MOCS1: variants seen among roughly 807,000 people sequenced by gnomAD.
The protein encoded by MOCS1 is molybdenum cofactor synthesis 1, also known as molybdenum cofactor biosynthesis protein 1.
In MOCS1, 39 loss-of-function variants were observed where a neutral mutation model predicts 57.6. The observed-to-expected ratio is 0.68, with a 90% CI of 0.52 to 0.88. The LOEUF (loss-of-function observed/expected upper bound fraction) is 0.88, where lower values mean the gene tolerates loss of function less well. MOCS1 is among the 40% of genes least tolerant of loss of function. The pLI, the probability that MOCS1 is intolerant of heterozygous loss-of-function variation, is 0.00. For missense variants in MOCS1, 795 were observed against 831.1 expected, an observed-to-expected ratio of 0.96 and a Z score of 0.53; for synonymous variants, 334 against 335.7, an observed-to-expected ratio of 1.00 and a Z score of 0.05.
At chr6:39,931,154 C>T (rs867348773) in intron 1 of MOCS1, among the ~76,000 whole-genome samples, 4 of 152,138 alleles carry the variant, frequency 2.6e-5, no homozygotes, top group Middle Eastern at 6.8e-3. Context: ...AGGCACTAAG[C>T]AGCCTGCCAG....
chr6:39,913,817 T>C lies in MOCS1; in HGVS notation c.602A>G (p.Glu201Gly), dbSNP rs186335243. ...CAGCTCGATGGCCTTGTGGATGCCC[T>C]CCATGACCTTGTGGAAGCCTGGGAG... Reference protein sequence around the residue: ...VRRKGFHKVMEGIHKAIELGY... With the variant: ...VRRKGFHKVMGGIHKAIELGY... Residue 201 changes from glutamate to glycine, a missense_variant, in exon 5 of 11, where the codon GAG becomes GGG. By Grantham distance (98) the Glu-to-Gly change is moderately conservative (BLOSUM62 -2). Coordinates refer to ENST00000340692, the MANE Select transcript of MOCS1 (RefSeq NM_001358530.2). 106 of 1,614,146 alleles carry C rather than the reference T, an allele frequency of 6.6e-5. No individual in the cohort carries two copies. In the African/African-American group the frequency reaches 1.1e-3, roughly 17 times the overall value.
chr6:39,909,043 TG>T lies in MOCS1; in HGVS notation c.1150+11del. 1 of 1,608,834 alleles carries T rather than the reference TG, an allele frequency of 6.2e-7. No individual in the cohort carries two copies. The highest frequency in any genetic ancestry group is 2.2e-5 in the East Asian group (1 of 44,680). ...ACAAGGGTGAGTGGTTACGTACTGA[TG>T]GGTCACCCACCGATGAGGATCATGG... On this transcript the variant is annotated intron_variant, in intron 10 of 10. Coordinates refer to ENST00000340692, the MANE Select transcript of MOCS1 (RefSeq NM_001358530.2).
rs937821323 is a variant in MOCS1, at chr6:39,904,463, C to T, written c.*1894G>A. 4.8e-5 allele frequency: 22 copies of T among 454,492 alleles called. No homozygotes were observed. Among genetic ancestry groups the T allele is most frequent in the African/African-American group, 1.2e-4 (6 of 49,988 alleles). 28.2% of individuals were successfully genotyped at this position (454,492 alleles called of 1,614,324 possible). On this transcript the variant is annotated 3_prime_UTR_variant, in exon 11 of 11. Coordinates refer to ENST00000340692, the MANE Select transcript of MOCS1 (RefSeq NM_001358530.2). ...TTGGTCTTGCTTTCTTCATGCCCTC[C>T]CCACTGCTCCTGCCACCTTTAGATA...
rs1766869440 is a variant in MOCS1, at chr6:39,905,845, C to T, written c.*512G>A. 2.1e-6 allele frequency: 1 copy of T among 470,794 alleles called. No homozygotes were observed. Among genetic ancestry groups the T allele is most frequent in the South Asian group, 1.5e-5 (1 of 64,570 alleles). The allele number at this position is 470,794 out of a possible 1,614,324, so 29.2% of individuals were successfully genotyped here. ...CAGGACAGGACAGGACAGGGCAGGGCTGCGGCTTCACAGACTTAGGGAGGC... is the reference window on the plus strand; with the variant it reads ...CAGGACAGGACAGGACAGGGCAGGGTTGCGGCTTCACAGACTTAGGGAGGC... On this transcript the variant is annotated 3_prime_UTR_variant, in exon 11 of 11. Coordinates refer to ENST00000340692, the MANE Select transcript of MOCS1 (RefSeq NM_001358530.2).
chr6:39,913,490 C>T, intron 5 of MOCS1, 62 bp from the exon 6 acceptor site: 3 of 1,442,172 alleles, frequency 2.1e-6, no homozygotes, highest in Non-Finnish European at 2.9e-6. Context: ...TGGAGATGAC[C>T]CTTGGGGGCC....
Position 39,929,596 on chromosome 6 carries a change from A to G in MOCS1, c.124-2141T>C, listed in dbSNP as rs1768536727. ...GAATTGGAAGTTGAGAGGACCAAGG[A>G]GCATTATTCAGCAGAAACCTGAGAG... On this transcript the variant is annotated intron_variant, in intron 1 of 10. Coordinates refer to ENST00000340692, the MANE Select transcript of MOCS1 (RefSeq NM_001358530.2). Among the ~76,000 whole-genome samples, 3 of 152,058 alleles carry G rather than the reference A, an allele frequency of 2.0e-5. No individual in the cohort carries two copies. The South Asian group carries it at 6.2e-4, about 32-fold the overall frequency.
At chr6:39,927,278 T>A in intron 2 of MOCS1, 51 bp downstream of exon 2, 1 of 1,600,840 alleles carries the variant, frequency 6.2e-7, no homozygotes, top group South Asian at 1.1e-5. Context: ...TTTCAAGGGC[T>A]GCTTCAGCAG....
At chr6:39,932,565 A>G (rs756703681) in intron 1 of MOCS1, 5 of 152,252 alleles carry the variant, frequency 3.3e-5, no homozygotes, top group African/African-American at 4.8e-5. Flanking sequence ...CCCTGCGTTA[A>G]GCGCTTGTGG....
In MOCS1 at chr6:39,920,989, G is replaced by C. The variant is rs539494284; in HGVS notation, c.418+4689C>G. Among the ~76,000 whole-genome samples the C allele has an allele frequency of 4.1e-3, 613 of 149,940 alleles. 4 individuals carry two copies. The highest frequency in any genetic ancestry group is 0.013 in the African/African-American group (506 of 40,260). ...AGATCCGGTCTCCCAAAAAAAAAAG[G>C]GGGGGGGACAGGGCAGCAAGAAAAC... On this transcript the variant is annotated intron_variant, in intron 3 of 10. Transcript: ENST00000340692.
chr6:39,927,279 G>C, intron 2 of MOCS1, 50 bp downstream of exon 2: 1 of 1,601,274 alleles, frequency 6.2e-7, no homozygotes, highest in Non-Finnish European at 8.5e-7. Context: ...TTCAAGGGCT[G>C]CTTCAGCAGA....
chr6:39,909,882 A>AGCAGCTCCTGCTCAGAGGCC lies in MOCS1; in HGVS notation c.1035_1054dup (p.Leu352ArgfsTer8). The AGCAGCTCCTGCTCAGAGGCC allele has an allele frequency of 6.2e-7, 1 of 1,613,944 alleles. No individual in the cohort carries two copies. The highest frequency in any genetic ancestry group is 2.2e-5 in the East Asian group (1 of 44,882). The stretch of plus-strand genomic sequence containing the variant: ...GCCCACAGCAGCCCCAATGATTCTC[A>AGCAGCTCCTGCTCAGAGGCC]GCAGCTCCTGCTCAGAGGCCCCAGC... On this transcript the variant is annotated frameshift_variant, in exon 9 of 11. Transcript: ENST00000340692. LOFTEE classifies it high-confidence loss of function.
chr6:39,929,427 TTCA>T (rs1443331118), intron 1 of MOCS1, among the ~76,000 whole-genome samples: 1 of 152,080 alleles, frequency 6.6e-6, no homozygotes. Flanking sequence ...TGCCCTCTTT[TTCA>T]TCAACAGCTA....
intron 3 of MOCS1, among the ~76,000 whole-genome samples, chr6:39,925,334 T>C (rs1317650551): frequency 4.6e-5 from 7 of 152,034 alleles, no homozygotes; most frequent in East Asian, 3.9e-4. Context: ...GGCCCGGTCA[T>C]GTGAATGGGA....
rs566412707 is a variant in MOCS1, at chr6:39,909,976, T to C, written c.982-21A>G. ...CAGACCTACATGTGGGTGAGGACAA[T>C]ATGCCTTCCTTACCCCTGAGCCTTG... On this transcript the variant is annotated intron_variant, in intron 8 of 10. Coordinates refer to ENST00000340692, the MANE Select transcript of MOCS1 (RefSeq NM_001358530.2). 7 of 1,611,774 alleles carry C rather than the reference T, an allele frequency of 4.3e-6. No homozygotes were observed. The African/African-American group carries it at 5.3e-5, about 12-fold the overall frequency.
At chr6:39,926,264 T>C (rs1294109305) in intron 2 of MOCS1, among the ~76,000 whole-genome samples, 3 of 152,186 alleles carry the variant, frequency 2.0e-5, no homozygotes, top group East Asian at 1.9e-4. Context: ...CTGTGTGTCA[T>C]GGGGTGAGAG....
intron 3 of MOCS1, among the ~76,000 whole-genome samples, chr6:39,922,795 C>G (rs1768047939): frequency 6.6e-6 from 1 of 152,176 alleles, no homozygotes; most frequent in African/African-American, 2.4e-5. Context: ...TCGGCAGAAA[C>G]TGTAACCTGC....
rs761709321 is a variant in MOCS1, at chr6:39,909,931, C to T, written c.1006G>A (p.Val336Ile). Reference protein sequence around the residue: ...LKVCLFGNSEVSLRDHLRAGA... With the variant: ...LKVCLFGNSEISLRDHLRAGA... ...GCTCGCAGGTGATCCCGCAGGGATA[C>T]CTCAGAGTTTCCAAAGAGGCAGACC... is the stretch of plus-strand genomic sequence containing the variant. The change falls in exon 9 of 11, where the codon GTA (valine) becomes ATA (isoleucine). Residue 336 changes from valine to isoleucine, a missense_variant. Transcript: ENST00000340692. 1.2e-6 allele frequency: 2 copies of T among 1,613,762 alleles called. No individual in the cohort carries two copies. Among genetic ancestry groups the T allele is most frequent in the Non-Finnish European group, 1.7e-6 (2 of 1,179,996 alleles).
intron 3 of MOCS1, among the ~76,000 whole-genome samples, chr6:39,925,266 C>T (rs1269037138): frequency 6.6e-6 from 1 of 152,070 alleles, no homozygotes; most frequent in Non-Finnish European, 1.5e-5. Flanking sequence ...GAACAGAGAC[C>T]TGAATGAGGT....
Position 39,913,967 on chromosome 6 carries a change from C to A in MOCS1, c.584-132G>T. On this transcript the variant is annotated intron_variant, in intron 4 of 10. Transcript: ENST00000340692. ...TTTCTAAAACAGGCCAGAGTAATAT[C>A]GTAGGCTTTGCAAGCCAAGAGGCAA... 3.2e-6 allele frequency: 3 copies of A among 929,612 alleles called. No homozygotes were observed. The South Asian group carries it at 4.2e-5, about 13-fold the overall frequency. The allele number at this position is 929,612 out of a possible 1,614,324, so 57.6% of individuals were successfully genotyped here. A position where few individuals can be genotyped will look rare whatever the true frequency, so the allele number is the denominator to read the frequency against.
Sources: allele counts gnomAD v4.1 joint callset (sites outside exome capture counted in the v4.1 genomes callset), GRCh38; gene constraint gnomAD v4.1.1; transcripts MANE v1.5; gene names NCBI Gene and HGNC (gene_info 2026-07-23, HGNC 2026-07-21).